SLC30A7: variants seen among roughly 807,000 people sequenced by gnomAD.
The protein encoded by SLC30A7 is zinc transporter 7.
In SLC30A7, 35 loss-of-function variants were observed where a neutral mutation model predicts 46.0. The ratio of observed to expected loss-of-function variants is 0.76; its 90% CI spans 0.58 to 1.01. SLC30A7 has a LOEUF of 1.01. Ranked by LOEUF, SLC30A7 falls within the 50% of genes least tolerant of loss-of-function variation. The pLI is 0.00. For synonymous variants in SLC30A7, 147 were observed against 157.8 expected, an observed-to-expected ratio of 0.93 and a Z score of 0.51; for missense variants, 464 against 451.1, an observed-to-expected ratio of 1.03 and a Z score of -0.26.
chr1:100,963,173 A>T (rs1293899380), intron 9 of SLC30A7, among the ~76,000 whole-genome samples: 1 of 152,246 alleles, frequency 6.6e-6, no homozygotes, highest in Non-Finnish European at 1.5e-5. Context: ...TATGAATAAC[A>T]TCTAAAACAT....
intron 8 of SLC30A7, among the ~76,000 whole-genome samples, chr1:100,960,127 G>C (rs965818800): frequency 8.5e-5 from 13 of 152,120 alleles, no homozygotes; most frequent in Non-Finnish European, 1.5e-4. Context: ...TCCACATTTA[G>C]CTTTCTATCC....
intron 10 of SLC30A7, chr1:100,972,283 G>A: frequency 2.8e-6 from 1 of 359,758 alleles, no homozygotes. Context: ...AAAGGAAACT[G>A]GAAGAGGAAA....
At chr1:100,904,025 TGTG>T (rs1281477162) in intron 2 of SLC30A7, among the ~76,000 whole-genome samples, 2 of 152,224 alleles carry the variant, frequency 1.3e-5, no homozygotes, top group African/African-American at 4.8e-5. Context: ...TGACAAGCAT[TGTG>T]GTAAATGTTT....
At chr1:100,960,948 T>A (rs900761079) in intron 8 of SLC30A7, among the ~76,000 whole-genome samples, 6 of 16,800 alleles carry the variant, frequency 3.6e-4, no homozygotes, top group Admixed American at 4.8e-4. Flanking sequence ...GTTTTGTGTG[T>A]TTTTTTTTTT....
intron 3 of SLC30A7, among the ~76,000 whole-genome samples, chr1:100,908,680 A>T (rs1651871047): frequency 6.6e-6 from 1 of 152,306 alleles, no homozygotes; most frequent in East Asian, 1.9e-4. Context: ...TAATTTAAAC[A>T]GTAGCTACTA....
chr1:100,968,209 C>A (rs1189516509), intron 10 of SLC30A7, among the ~76,000 whole-genome samples: 1 of 151,946 alleles, frequency 6.6e-6, no homozygotes, highest in East Asian at 1.9e-4. Context: ...ACCTGTAATC[C>A]CAGTGCTTTG....
intron 8 of SLC30A7, among the ~76,000 whole-genome samples, chr1:100,947,936 A>G (rs917806609): frequency 2.0e-5 from 3 of 151,666 alleles, no homozygotes; most frequent in Non-Finnish European, 4.4e-5. Context: ...TTGAGCCGAT[A>G]TGTGTCTCTG....
chr1:100,932,688 G>A (rs1483957216), intron 8 of SLC30A7, among the ~76,000 whole-genome samples: 1 of 152,138 alleles, frequency 6.6e-6, no homozygotes, highest in Non-Finnish European at 1.5e-5. Context: ...TACTGGGAGT[G>A]TGTTAGAGTG....
At chr1:100,949,462 G>C (rs980705570) in intron 8 of SLC30A7, among the ~76,000 whole-genome samples, 1 of 152,162 alleles carries the variant, frequency 6.6e-6, no homozygotes, top group African/African-American at 2.4e-5. Flanking sequence ...AGGCTTCATG[G>C]GGGTCAGGAA....
chr1:100,910,171 A>C (rs1651992462), intron 3 of SLC30A7, among the ~76,000 whole-genome samples: 1 of 152,062 alleles, frequency 6.6e-6, no homozygotes, highest in Non-Finnish European at 1.5e-5. Context: ...CCTAGAAGTT[A>C]ACATAGAAAC....
At chr1:100,981,964 A>G (rs1656961893), downstream of SLC30A7, among the ~76,000 whole-genome samples, 1 of 152,206 alleles carries the variant, frequency 6.6e-6, no homozygotes, top group South Asian at 2.1e-4. Context: ...GCTCTTAGTC[A>G]GCATCTGACC....
rs548571046 is a variant in SLC30A7, at chr1:100,932,261, A to G, written c.842+10420A>G. Among the ~76,000 whole-genome samples, 16 of 152,176 alleles carry G rather than the reference A, an allele frequency of 1.1e-4. No individual in the cohort carries two copies. In the South Asian group the frequency reaches 3.3e-3, roughly 32 times the overall value. ...GAAACCCCATCTCTACTAAAAATAC[A>G]AAAATTAGCCAGGTGTGGTGGCACA... On this transcript the variant is annotated intron_variant, in intron 8 of 10. Coordinates refer to ENST00000357650, the MANE Select transcript of SLC30A7 (RefSeq NM_133496.5).
chr1:100,956,627 C>T (rs1655241184), intron 8 of SLC30A7, among the ~76,000 whole-genome samples: 1 of 152,160 alleles, frequency 6.6e-6, no homozygotes, highest in East Asian at 1.9e-4. Flanking sequence ...AACAACTAGA[C>T]TAAACCTGAA....
the SLC30A7 span, among the ~76,000 whole-genome samples, chr1:100,991,804 G>A: frequency 3.3e-4 from 33 of 101,236 alleles, no homozygotes; most frequent in African/African-American, 5.4e-4. Flanking sequence ...AAAAAAAAAA[G>A]TCTCACAGTG....
At chr1:100,932,206 C>T (rs149914361) in intron 8 of SLC30A7, among the ~76,000 whole-genome samples, 3,460 of 151,976 alleles carry the variant, frequency 0.023, 121 homozygotes, top group African/African-American at 0.076. Flanking sequence ...CCTGAGGTCA[C>T]GAGTTTGAGA....
At chr1:100,913,461 T>C (rs1037414879) in intron 5 of SLC30A7, among the ~76,000 whole-genome samples, 4 of 152,232 alleles carry the variant, frequency 2.6e-5, no homozygotes, top group Non-Finnish European at 5.9e-5. Flanking sequence ...TCTATCACTT[T>C]CCTCTATGCT....
chr1:100,932,540 G>A (rs1410763712), intron 8 of SLC30A7, among the ~76,000 whole-genome samples: 1 of 152,114 alleles, frequency 6.6e-6, no homozygotes. Flanking sequence ...ATATACGTTA[G>A]TAATTTAAAA....
In SLC30A7 at chr1:100,912,849, A is replaced by C. The variant is rs549741134; in HGVS notation, c.511+611A>C. On this transcript the variant is annotated intron_variant, in intron 5 of 10. Transcript: ENST00000357650. ...GCCGAGATCATGCCACTGCACTCCA[A>C]CCTGGGTGACAGAGCAAGACTCTGT... is the stretch of plus-strand genomic sequence containing the variant. Among the ~76,000 whole-genome samples the C allele has an allele frequency of 2.6e-5, 4 of 151,418 alleles. No individual in the cohort carries two copies. In the East Asian group the frequency reaches 7.8e-4, roughly 29 times the overall value.
intron 2 of SLC30A7, among the ~76,000 whole-genome samples, chr1:100,906,499 G>T (rs985704324): frequency 2.6e-5 from 4 of 152,080 alleles, no homozygotes; most frequent in African/African-American, 9.7e-5. Flanking sequence ...GTGCAAGCAG[G>T]TATCAGCCTC....
Sources: gnomAD v4.1 joint callset for allele counts (sites outside exome capture counted in the v4.1 genomes callset) on GRCh38, gnomAD v4.1.1 for gene constraint, MANE v1.5 for transcripts, NCBI Gene and HGNC (gene_info 2026-07-23, HGNC 2026-07-21) for gene names.